The following SUPT3H variants were observed in gnomAD, a reference collection of about 807,000 sequenced individuals.
The protein encoded by SUPT3H is SPT3 homolog, SAGA and STAGA complex component.
A neutral mutation model predicts 44.3 loss-of-function variants in SUPT3H; 44 were observed. The observed-to-expected ratio is 0.99, with a 90% CI of 0.78 to 1.28. SUPT3H has a LOEUF of 1.28. SUPT3H is among the 50% of genes most tolerant of loss of function. The pLI, the probability that SUPT3H is intolerant of heterozygous loss-of-function variation, is 0.00. For synonymous variants in SUPT3H, 124 were observed against 125.6 expected (o/e 0.99, Z 0.09); for missense variants, 380 against 387.1 (o/e 0.98, Z 0.15).
intron 6 of SUPT3H, among the ~76,000 whole-genome samples, chr6:44,967,310 C>T (rs1018879174): frequency 5.3e-5 from 8 of 152,160 alleles, no homozygotes; most frequent in Non-Finnish European, 1.0e-4. Flanking sequence ...GTAAAACATA[C>T]AGAGAAGGCA....
intron 2 of SUPT3H, among the ~76,000 whole-genome samples, chr6:45,215,892 A>C (rs2153632824): frequency 6.6e-6 from 1 of 152,346 alleles, no homozygotes; most frequent in Admixed American, 6.5e-5. Flanking sequence ...TCAAACTGTC[A>C]AAAGTCAAAG....
At chr6:45,285,688 AAT>A (rs1256339867) in intron 2 of SUPT3H, among the ~76,000 whole-genome samples, 6 of 152,304 alleles carry the variant, frequency 3.9e-5, no homozygotes, top group African/African-American at 1.4e-4. Context: ...TTATAGATTC[AAT>A]GCCATCCCCA....
At chr6:44,941,480 C>T (rs1772427326) in intron 9 of SUPT3H, among the ~76,000 whole-genome samples, 1 of 152,016 alleles carries the variant, frequency 6.6e-6, no homozygotes, top group South Asian at 2.1e-4. Context: ...CCTAGCCTGC[C>T]TGTAAGGTTT....
intron 2 of SUPT3H, among the ~76,000 whole-genome samples, chr6:45,358,292 T>G (rs906228960): frequency 6.6e-6 from 1 of 152,204 alleles, no homozygotes; most frequent in Non-Finnish European, 1.5e-5. Flanking sequence ...ATGGCTAAAC[T>G]TAAATAAAAT....
intron 2 of SUPT3H, among the ~76,000 whole-genome samples, chr6:45,113,148 T>C (rs1800326350): frequency 6.6e-6 from 1 of 151,982 alleles, no homozygotes; most frequent in Non-Finnish European, 1.5e-5. Flanking sequence ...TACACTTTTA[T>C]AGACTAGGTA....
At chr6:44,925,610 T>C (rs1280489868) in intron 10 of SUPT3H, among the ~76,000 whole-genome samples, 1 of 152,120 alleles carries the variant, frequency 6.6e-6, no homozygotes, top group Non-Finnish European at 1.5e-5. Context: ...GCACTTCCCA[T>C]TGAGAGCTAG....
chr6:45,225,278 TAAAAA>T (rs11333549), intron 2 of SUPT3H, among the ~76,000 whole-genome samples: 2 of 132,166 alleles, frequency 1.5e-5, no homozygotes, highest in Non-Finnish European at 1.6e-5. Context: ...AAACTCCATC[TAAAAA>T]AAAAAAAAAA....
intron 2 of SUPT3H, among the ~76,000 whole-genome samples, chr6:45,308,830 T>C (rs138744777): frequency 1.1e-3 from 173 of 151,258 alleles, no homozygotes; most frequent in African/African-American, 4.0e-3. Context: ...TGGTTTGTTA[T>C]GCAAATTTTT....
At chr6:45,337,445 C>G (rs548744874) in intron 2 of SUPT3H, among the ~76,000 whole-genome samples, 1 of 151,744 alleles carries the variant, frequency 6.6e-6, no homozygotes, top group Non-Finnish European at 1.5e-5. Context: ...AAGGGTTACT[C>G]TAAAAATACT....
intron 6 of SUPT3H, among the ~76,000 whole-genome samples, chr6:44,976,552 G>A (rs776434099): frequency 2.6e-5 from 4 of 151,974 alleles, no homozygotes; most frequent in South Asian, 2.1e-4. Flanking sequence ...TAGTAGAGAC[G>A]GGGTTTCACC....
chr6:44,901,821 T>C (rs962271509), intron 10 of SUPT3H, among the ~76,000 whole-genome samples: 2 of 152,130 alleles, frequency 1.3e-5, no homozygotes, highest in African/African-American at 4.8e-5. Context: ...TAACAGCTGA[T>C]CTCTCACCAG....
chr6:45,093,439 G>A (rs1797396552), intron 3 of SUPT3H, among the ~76,000 whole-genome samples: 1 of 152,008 alleles, frequency 6.6e-6, no homozygotes. Flanking sequence ...CACTAATCAA[G>A]AGTAATAGCA....
intron 2 of SUPT3H, among the ~76,000 whole-genome samples, chr6:45,169,328 A>G (rs1329436184): frequency 1.3e-5 from 2 of 152,194 alleles, no homozygotes; most frequent in African/African-American, 4.8e-5. Flanking sequence ...CTGGGGAAAT[A>G]AAAATCATTC....
At chr6:45,291,128 C>G (rs533417634) in intron 2 of SUPT3H, among the ~76,000 whole-genome samples, 15 of 152,332 alleles carry the variant, frequency 9.8e-5, no homozygotes, top group African/African-American at 3.6e-4. Context: ...TCACAGGACT[C>G]TGCAGACAAC....
At chr6:45,270,188 C>T (rs1484893024) in intron 2 of SUPT3H, among the ~76,000 whole-genome samples, 1 of 152,060 alleles carries the variant, frequency 6.6e-6, no homozygotes, top group African/African-American at 2.4e-5. Flanking sequence ...AAGGTCAAGA[C>T]ACTTGTAAAT....
chr6:45,347,808 A>G (rs1307304488), intron 2 of SUPT3H, among the ~76,000 whole-genome samples: 1 of 151,982 alleles, frequency 6.6e-6, no homozygotes, highest in Admixed American at 6.5e-5. Flanking sequence ...CTGTTTGTCT[A>G]TTTATCAGAG....
intron 2 of SUPT3H, among the ~76,000 whole-genome samples, chr6:45,282,315 G>T (rs189222800): frequency 1.9e-5 from 2 of 106,154 alleles, no homozygotes; most frequent in African/African-American, 7.7e-5. Context: ...CGAACGCTTC[G>T]CAAAGAAGTT....
intron 3 of SUPT3H, among the ~76,000 whole-genome samples, chr6:45,037,403 C>A (rs1787833519): frequency 6.6e-6 from 1 of 151,262 alleles, no homozygotes; most frequent in Admixed American, 6.6e-5. Context: ...AATCCCAGCA[C>A]TTTGGGAGGC....
chr6:44,977,922 T>A (rs1017893563), intron 6 of SUPT3H, among the ~76,000 whole-genome samples: 2 of 152,154 alleles, frequency 1.3e-5, no homozygotes, highest in Non-Finnish European at 2.9e-5. Flanking sequence ...TTGCGCTACA[T>A]GCAGTTTTCA....
Sources: allele counts gnomAD v4.1 joint callset (sites outside exome capture counted in the v4.1 genomes callset), GRCh38; gene constraint gnomAD v4.1.1; transcripts MANE v1.5; gene names NCBI Gene and HGNC (gene_info 2026-07-23, HGNC 2026-07-21).